KHDRBS2: variants seen among roughly 807,000 people sequenced by gnomAD.
KHDRBS2 encodes KH domain-containing, RNA-binding, signal transduction-associated protein 2.
Under a neutral mutation model 44.3 loss-of-function variants are expected in KHDRBS2, and 26 were observed. That is an observed-to-expected ratio of 0.59 (90% CI 0.43 to 0.81). The LOEUF is 0.81. Ranked by LOEUF, KHDRBS2 falls within the 40% of genes least tolerant of loss-of-function variation. The pLI, the probability that KHDRBS2 is intolerant of heterozygous loss-of-function variation, is 0.00. For synonymous variants in KHDRBS2, 194 were observed against 151.1 expected (o/e 1.28, Z -2.08); for missense variants, 476 against 433.1 (o/e 1.10, Z -0.88).
intron 6 of KHDRBS2, among the ~76,000 whole-genome samples, chr6:61,818,827 T>G (rs1582999821): frequency 6.6e-6 from 1 of 151,930 alleles, no homozygotes; most frequent in East Asian, 1.9e-4. Flanking sequence ...ACCAACCAGT[T>G]TTATCTCCCC....
intron 7 of KHDRBS2, among the ~76,000 whole-genome samples, chr6:61,722,661 ATAATAT>A (rs1288988683): frequency 6.6e-6 from 1 of 151,998 alleles, no homozygotes; most frequent in Non-Finnish European, 1.5e-5. Context: ...CAGTGCTCAT[ATAATAT>A]TAATATTGTT....
At chr6:62,219,669 A>G (rs776957543) in intron 1 of KHDRBS2, among the ~76,000 whole-genome samples, 22 of 151,024 alleles carry the variant, frequency 1.5e-4, no homozygotes, top group Non-Finnish European at 3.0e-4. Context: ...TTTTCTTAAG[A>G]GTAATAATGC....
intron 6 of KHDRBS2, among the ~76,000 whole-genome samples, chr6:61,854,164 T>C (rs1332244549): frequency 6.6e-6 from 1 of 152,142 alleles, no homozygotes; most frequent in South Asian, 2.1e-4. Flanking sequence ...ATTCAAGTCC[T>C]GGAATTTTGT....
chr6:61,942,511 T>C (rs1406653026), intron 4 of KHDRBS2, among the ~76,000 whole-genome samples: 1 of 152,006 alleles, frequency 6.6e-6, no homozygotes, highest in Admixed American at 6.6e-5. Context: ...GACAGATCTT[T>C]TGAAATAACC....
At chr6:62,012,852 G>GTTTGT (rs1049695303) in intron 3 of KHDRBS2, among the ~76,000 whole-genome samples, 77 of 152,266 alleles carry the variant, frequency 5.1e-4, no homozygotes, top group African/African-American at 1.8e-3. Context: ...GCATTTTCCT[G>GTTTGT]TTTGCTTGCT....
intron 4 of KHDRBS2, among the ~76,000 whole-genome samples, chr6:61,946,160 C>A (rs1813340469): frequency 6.6e-6 from 1 of 152,306 alleles, no homozygotes; most frequent in Middle Eastern, 3.4e-3. Context: ...AATCAATGCC[C>A]TCCTCTACAT....
intron 6 of KHDRBS2, among the ~76,000 whole-genome samples, chr6:61,830,230 A>G (rs1015544447): frequency 6.6e-6 from 1 of 152,098 alleles, no homozygotes; most frequent in African/African-American, 2.4e-5. Flanking sequence ...AGGAATGTGG[A>G]CTCACACTCA....
intron 1 of KHDRBS2, among the ~76,000 whole-genome samples, chr6:62,254,120 A>G (rs1836991635): frequency 6.6e-6 from 1 of 152,022 alleles, no homozygotes; most frequent in African/African-American, 2.4e-5. Flanking sequence ...TCAAAAAACA[A>G]TTACATGATA....
At position 62,063,107 on chromosome 6, in the gene KHDRBS2, T is replaced by C. The variant is rs1451939627; in HGVS notation, c.220-15113A>G. ...GAAGTTGAATCTCTGAATAGACCAA[T>C]AACAGGATCTGAAATTGAGGCAATA... On this transcript the variant is annotated intron_variant, in intron 2 of 8. Coordinates refer to ENST00000281156, the MANE Select transcript of KHDRBS2 (RefSeq NM_152688.4). 3.0e-3 allele frequency among the ~76,000 whole-genome samples: 372 copies of C among 122,916 alleles called. 2 individuals are homozygous for C. Among genetic ancestry groups the C allele is most frequent in the Middle Eastern group, 8.1e-3 (2 of 248 alleles). The allele number at this position is 122,916 out of a possible 152,430, so 80.6% of individuals were successfully genotyped here. A position where few individuals can be genotyped will look rare whatever the true frequency, so the allele number is the denominator to read the frequency against.
chr6:62,033,266 G>A (rs1047589388), intron 3 of KHDRBS2, among the ~76,000 whole-genome samples: 1 of 151,928 alleles, frequency 6.6e-6, no homozygotes, highest in Non-Finnish European at 1.5e-5. Context: ...TTAAGAGGAG[G>A]TAGAGAAAGC....
intron 2 of KHDRBS2, among the ~76,000 whole-genome samples, chr6:62,137,994 C>T (rs1430213496): frequency 6.6e-6 from 1 of 152,086 alleles, no homozygotes; most frequent in Admixed American, 6.6e-5. Flanking sequence ...GGTTGTTTTG[C>T]TGTAAAGTTC....
Position 61,984,881 on chromosome 6 carries a change from G to A in KHDRBS2, c.337-6669C>T, listed in dbSNP as rs114572096. On this transcript the variant is annotated intron_variant, in intron 3 of 8. Coordinates refer to ENST00000281156, the MANE Select transcript of KHDRBS2 (RefSeq NM_152688.4). ...ATTCATTTTAAGATAAAAAAACTAC[G>A]CAATTAAAGTATGTACCACATTACA... Among the ~76,000 whole-genome samples, 546 of 152,162 alleles carry A rather than the reference G, an allele frequency of 3.6e-3. 3 individuals carry two copies. The highest frequency in any genetic ancestry group is 0.013 in the African/African-American group (524 of 41,498).
At chr6:62,240,668 GTGTGTATATA>G (rs1268317398) in intron 1 of KHDRBS2, among the ~76,000 whole-genome samples, 36 of 66,386 alleles carry the variant, frequency 5.4e-4, no homozygotes, top group African/African-American at 1.7e-3. Flanking sequence ...ATGTATGTGT[GTGTGTATATA>G]TATATATATA....
chr6:61,935,811 G>A (rs1810916473), intron 4 of KHDRBS2, among the ~76,000 whole-genome samples: 1 of 151,992 alleles, frequency 6.6e-6, no homozygotes, highest in Non-Finnish European at 1.5e-5. Context: ...TAAATTGCAT[G>A]GTTCTGCACC....
At chr6:62,226,719 T>C (rs1380399206) in intron 1 of KHDRBS2, among the ~76,000 whole-genome samples, 1 of 152,130 alleles carries the variant, frequency 6.6e-6, no homozygotes, top group Non-Finnish European at 1.5e-5. Context: ...AAGGTAGGGG[T>C]CCAGTTTCAG....
rs567592841 is a variant in KHDRBS2, at chr6:61,947,677, G to A, written c.483+30389C>T. ...AAGGGTTTTAAATAAAGACATACAA[G>A]AAAAAAAAGTAGTGTGAATTTTCAG... On this transcript the variant is annotated intron_variant, in intron 4 of 8. Transcript: ENST00000281156. 1.8e-4 allele frequency among the ~76,000 whole-genome samples: 27 copies of A among 151,454 alleles called. No homozygotes were observed. In the East Asian group the frequency reaches 4.6e-3, roughly 26 times the overall value.
At chr6:61,544,186 T>C in the KHDRBS2 span, among the ~76,000 whole-genome samples, 1 of 152,074 alleles carries the variant, frequency 6.6e-6, no homozygotes, top group Non-Finnish European at 1.5e-5. Context: ...TTATTATGCA[T>C]TGTATGCCTG....
the KHDRBS2 span, among the ~76,000 whole-genome samples, chr6:61,648,033 C>T: frequency 6.6e-6 from 1 of 151,710 alleles, no homozygotes; most frequent in Admixed American, 6.6e-5. Flanking sequence ...ACTGATATCA[C>T]AAAGGGGGGT....
chr6:62,275,523 T>C (rs1473194522), intron 1 of KHDRBS2, among the ~76,000 whole-genome samples: 2 of 152,236 alleles, frequency 1.3e-5, no homozygotes, highest in East Asian at 3.8e-4. Context: ...ATTCATCTAC[T>C]GTCTGCATTT....
Sources: gnomAD v4.1 joint callset for allele counts (sites outside exome capture counted in the v4.1 genomes callset) on GRCh38, gnomAD v4.1.1 for gene constraint, MANE v1.5 for transcripts, NCBI Gene and HGNC (gene_info 2026-07-23, HGNC 2026-07-21) for gene names.